Variants in DLC1 observed in about 807,000 individuals in gnomAD.
DLC1 encodes the protein DLC1 Rho GTPase activating protein, also known as rho GTPase-activating protein 7.
Under a neutral mutation model 140.3 loss-of-function variants are expected in DLC1, and 54 were observed. The ratio of observed to expected loss-of-function variants is 0.38; its 90% CI spans 0.31 to 0.48. The LOEUF is 0.48. DLC1 is among the 20% of genes least tolerant of loss of function. The pLI is 0.96. For synonymous variants in DLC1, 986 were observed against 728.1 expected, an observed-to-expected ratio of 1.35 and a Z score of -5.70; for missense variants, 2,536 against 1,907.0, an observed-to-expected ratio of 1.33 and a Z score of -6.14.
intron 5 of DLC1, among the ~76,000 whole-genome samples, chr8:13,225,273 A>G (rs1393679353): frequency 6.6e-6 from 1 of 152,228 alleles, no homozygotes; most frequent in African/African-American, 2.4e-5. Context: ...CACTTTCAAA[A>G]GGCTTCATTC....
chr8:13,410,369 GT>G (rs1376806613), intron 2 of DLC1, among the ~76,000 whole-genome samples: 4 of 151,994 alleles, frequency 2.6e-5, no homozygotes, highest in Non-Finnish European at 4.4e-5. Flanking sequence ...TACACTTGAG[GT>G]TCTGCCCAAT....
intron 1 of DLC1, among the ~76,000 whole-genome samples, chr8:13,589,760 A>C (rs1160410178): frequency 6.6e-6 from 1 of 150,626 alleles, no homozygotes; most frequent in Non-Finnish European, 1.5e-5. Flanking sequence ...TCCAACAGAG[A>C]TTGTGTAAAT....
intron 5 of DLC1, among the ~76,000 whole-genome samples, chr8:13,183,820 G>T (rs541006879): frequency 6.6e-6 from 1 of 152,128 alleles, no homozygotes; most frequent in Non-Finnish European, 1.5e-5. Context: ...TCAGGATGAT[G>T]CTGGCCTCAT....
At chr8:13,161,654 C>T (rs573772886) in intron 5 of DLC1, among the ~76,000 whole-genome samples, 1 of 152,132 alleles carries the variant, frequency 6.6e-6, no homozygotes, top group Non-Finnish European at 1.5e-5. Context: ...CTTTCCCTGT[C>T]CCTGCCCCTT....
intron 5 of DLC1, among the ~76,000 whole-genome samples, chr8:13,175,918 C>T (rs1407134035): frequency 6.6e-6 from 1 of 152,156 alleles, no homozygotes; most frequent in South Asian, 2.1e-4. Context: ...ATCTGTTCTT[C>T]ATTTCTATAA....
chr8:13,431,397 G>A (rs1838856341), intron 2 of DLC1, among the ~76,000 whole-genome samples: 1 of 142,822 alleles, frequency 7.0e-6, no homozygotes, highest in Non-Finnish European at 1.5e-5. Flanking sequence ...GCAGGAGAAT[G>A]GTGTGAACCC....
intron 1 of DLC1, chr8:13,566,945 T>A: frequency 6.7e-7 from 1 of 1,494,166 alleles, no homozygotes; most frequent in Non-Finnish European, 8.9e-7. Context: ...CCTGAGCCAG[T>A]CTTAACCTGG....
At chr8:13,126,867 T>G (rs1241969803) in intron 5 of DLC1, among the ~76,000 whole-genome samples, 1 of 152,152 alleles carries the variant, frequency 6.6e-6, no homozygotes. Context: ...AACCTTAAAT[T>G]AGAAATAAAG....
chr8:13,286,610 A>G lies in DLC1; in HGVS notation c.1348+18659T>C, dbSNP rs1563225328. ...AAGGCACAGAATGCAACCTGAAAAAATACTTATTAAAGTGAACAGGCATTT... is the reference window on the plus strand; with the variant it reads ...AAGGCACAGAATGCAACCTGAAAAAGTACTTATTAAAGTGAACAGGCATTT... On this transcript the variant is annotated intron_variant, in intron 5 of 17. Transcript: ENST00000276297. Among the ~76,000 whole-genome samples the G allele has an allele frequency of 2.0e-5, 3 of 152,094 alleles. No homozygotes were observed. The South Asian group carries it at 6.2e-4, about 32-fold the overall frequency.
At chr8:13,116,233 C>A in intron 5 of DLC1, 1 of 985,438 alleles carries the variant, frequency 1.0e-6, no homozygotes. Flanking sequence ...ACATGGAGGG[C>A]ACGAAGTCAG....
chr8:13,086,808 G>T (rs1177483514), intron 16 of DLC1, among the ~76,000 whole-genome samples: 1 of 152,164 alleles, frequency 6.6e-6, no homozygotes, highest in East Asian at 1.9e-4. Context: ...AGGACTGCTT[G>T]AGCTCAGGAG....
At chr8:13,213,308 G>A (rs1026702026) in intron 5 of DLC1, among the ~76,000 whole-genome samples, 3 of 152,050 alleles carry the variant, frequency 2.0e-5, no homozygotes, top group African/African-American at 7.2e-5. Context: ...CACCTCTGTG[G>A]GCACTATTGT....
At chr8:13,521,229 C>T (rs1193548885) in intron 1 of DLC1, among the ~76,000 whole-genome samples, 1 of 151,992 alleles carries the variant, frequency 6.6e-6, no homozygotes, top group Non-Finnish European at 1.5e-5. Context: ...GGGAGGGGAA[C>T]ATCACCCACT....
chr8:13,170,887 G>C (rs1440392067), intron 5 of DLC1, among the ~76,000 whole-genome samples: 1 of 152,126 alleles, frequency 6.6e-6, no homozygotes, highest in Admixed American at 6.5e-5. Context: ...CTTTTAACCT[G>C]GGTAGTTAGC....
chr8:13,391,954 C>G (rs1047789732), intron 4 of DLC1, among the ~76,000 whole-genome samples: 2 of 150,780 alleles, frequency 1.3e-5, no homozygotes, highest in African/African-American at 4.9e-5. Flanking sequence ...CAAGTCAAAA[C>G]TGTTGAGAAG....
At chr8:13,204,425 G>A (rs1218479871) in intron 5 of DLC1, among the ~76,000 whole-genome samples, 2 of 152,132 alleles carry the variant, frequency 1.3e-5, no homozygotes, top group Non-Finnish European at 2.9e-5. Context: ...AGACTTTAAA[G>A]TCCGCTTTAG....
At chr8:13,336,948 C>G (rs940558718) in intron 4 of DLC1, among the ~76,000 whole-genome samples, 2 of 151,900 alleles carry the variant, frequency 1.3e-5, no homozygotes, top group African/African-American at 4.8e-5. Flanking sequence ...AAATGACTTA[C>G]TAATAGTTAG....
chr8:13,133,128 G>C (rs970362423), intron 5 of DLC1: 51 of 1,459,942 alleles, frequency 3.5e-5, no homozygotes, highest in African/African-American at 5.7e-5. Flanking sequence ...CCTGCCCCTC[G>C]TCACGGCCCC....
At chr8:13,110,929 C>G in intron 6 of DLC1, 106 bp from the exon 7 acceptor site, 1 of 976,160 alleles carries the variant, frequency 1.0e-6, no homozygotes, top group South Asian at 1.4e-5. Context: ...ATATACTAAG[C>G]ACCTACTGTA....
Sources: allele counts gnomAD v4.1 joint callset (sites outside exome capture counted in the v4.1 genomes callset), GRCh38; gene constraint gnomAD v4.1.1; transcripts MANE v1.5; gene names NCBI Gene and HGNC (gene_info 2026-07-23, HGNC 2026-07-21).